The following ST3GAL4 variants were observed in gnomAD, a reference collection of about 807,000 sequenced individuals.
ST3GAL4 encodes the protein CMP-N-acetylneuraminate-beta-galactosamide-alpha-2,3-sialyltransferase 4.
In ST3GAL4, 24 loss-of-function variants were observed where a neutral mutation model predicts 42.6. The ratio of observed to expected loss-of-function variants is 0.56; its 90% CI spans 0.41 to 0.79. The LOEUF (loss-of-function observed/expected upper bound fraction) is 0.79, where lower values mean the gene tolerates loss of function less well. ST3GAL4 is among the 30% of genes least tolerant of loss of function. ST3GAL4 has a pLI of 0.00. For synonymous variants in ST3GAL4, 135 were observed against 163.2 expected, an observed-to-expected ratio of 0.83 and a Z score of 1.32; for missense variants, 311 against 430.8, an observed-to-expected ratio of 0.72 and a Z score of 2.46.
chr11:126,395,099 C>T (rs1297343929), intron 1 of ST3GAL4, among the ~76,000 whole-genome samples: 1 of 152,188 alleles, frequency 6.6e-6, no homozygotes, highest in African/African-American at 2.4e-5. Context: ...CAGCGTCCAG[C>T]CAGGGGCTGT....
In ST3GAL4 at chr11:126,396,770, A is replaced by G. The variant is rs11220471; in HGVS notation, c.-60-9326A>G. Among the ~76,000 whole-genome samples the G allele has an allele frequency of 0.29, 40,163 of 140,712 alleles. 6,833 individuals are homozygous for G. Among genetic ancestry groups the G allele is most frequent in the African/African-American group, 0.33 (12,845 of 38,540 alleles). The allele number at this position is 140,712 out of a possible 152,430, so 92.3% of individuals were successfully genotyped here. A position where few individuals can be genotyped will look rare whatever the true frequency, so the allele number is the denominator to read the frequency against. On this transcript the variant is annotated intron_variant, in intron 1 of 10. Transcript: ENST00000444328. This position sits in a 1 kb window ranked among gnomAD's most constrained non-coding sequence, Gnocchi z 5.8. Reference sequence around the variant, plus strand: ...GAGCCAGAATTCCAGTGCCAGCTCCACTCCTCACGAGCTGTACAACCTGGG... The same window carrying G: ...GAGCCAGAATTCCAGTGCCAGCTCCGCTCCTCACGAGCTGTACAACCTGGG...
chr11:126,406,886 A>G lies in ST3GAL4; in HGVS notation c.102-57A>G. 4 of 1,502,090 alleles carry G rather than the reference A, an allele frequency of 2.7e-6. No individual in the cohort carries two copies. The highest frequency in any genetic ancestry group is 3.7e-6 in the Non-Finnish European group (4 of 1,080,256). The allele number at this position is 1,502,090 out of a possible 1,614,324, so 93.0% of individuals were successfully genotyped here. On this transcript the variant is annotated intron_variant, in intron 3 of 10. Transcript: ENST00000444328. The surrounding 1 kb of genome is among the most constrained non-coding windows in gnomAD (Gnocchi z 5.4). ...GTGGGAGAAGGCTTAGGCTGCCTGG[A>G]ACATGGGTCCCTGGGTCTGACTGGG...
At chr11:126,356,129 C>T (rs1479639496) in intron 1 of ST3GAL4, 1 of 152,606 alleles carries the variant, frequency 6.6e-6, no homozygotes, top group Non-Finnish European at 1.5e-5. Context: ...AATCCCCCAG[C>T]CCTGCGCCCG....
In ST3GAL4 at chr11:126,406,310, G is replaced by T. The variant is rs1954227108; in HGVS notation, c.16+139G>T. ...CTTCTCTTCATCTTGAAGGACAGTG[G>T]GTACAATCAGGGTCAAGCCCTCAGC... On this transcript the variant is annotated intron_variant, in intron 2 of 10. Transcript: ENST00000444328. This position sits in a 1 kb window ranked among gnomAD's most constrained non-coding sequence, Gnocchi z 5.4. 1.9e-6 allele frequency: 3 copies of T among 1,540,186 alleles called. No homozygotes were observed.
chr11:126,365,572 C>G (rs1952394050), intron 1 of ST3GAL4, among the ~76,000 whole-genome samples: 1 of 152,224 alleles, frequency 6.6e-6, no homozygotes, highest in African/African-American at 2.4e-5. Flanking sequence ...GTTGTAGGCT[C>G]TGGAATCCTC....
Position 126,384,682 on chromosome 11 carries a change from G to C in ST3GAL4, c.-60-21414G>C, listed in dbSNP as rs572416416. On this transcript the variant is annotated intron_variant, in intron 1 of 10. Coordinates refer to ENST00000444328, the MANE Select transcript of ST3GAL4 (RefSeq NM_001254757.2). This position sits in a 1 kb window ranked among gnomAD's most constrained non-coding sequence, Gnocchi z 5.5. ...GACAGATGGAGAGCCACCTCCCTAG[G>C]GGCCTCCTCCCCCTCCCCTTCTGCA... 1.0e-6 allele frequency: 1 copy of C among 985,212 alleles called. No individual in the cohort carries two copies. Among genetic ancestry groups the C allele is most frequent in the East Asian group, 1.1e-4 (1 of 8,814 alleles). 61.0% of individuals were successfully genotyped at this position (985,212 alleles called of 1,614,324 possible).
In ST3GAL4 at chr11:126,383,890, G is replaced by C. The variant is rs1369595228; in HGVS notation, c.-60-22206G>C. ...TACTCTGAGGGGGTGGGCTTCCTGC[G>C]GGGGACAAACTGGAGAGGGACTCTC... On this transcript the variant is annotated intron_variant, in intron 1 of 10. Coordinates refer to ENST00000444328, the MANE Select transcript of ST3GAL4 (RefSeq NM_001254757.2). The surrounding 1 kb of genome is among the most constrained non-coding windows in gnomAD (Gnocchi z 4.5). 6.6e-6 allele frequency among the ~76,000 whole-genome samples: 1 copy of C among 152,130 alleles called. No individual in the cohort carries two copies. The highest frequency in any genetic ancestry group is 1.5e-5 in the Non-Finnish European group (1 of 68,012).
Position 126,392,994 on chromosome 11 carries a change from G to A in ST3GAL4, c.-60-13102G>A, listed in dbSNP as rs1294770176. ...TTTTTTTTTTGAGACAGGCTAGAGTGCAGGGGGACGATCATAGCTTACTGC... is the reference window on the plus strand; with the variant it reads ...TTTTTTTTTTGAGACAGGCTAGAGTACAGGGGGACGATCATAGCTTACTGC... On this transcript the variant is annotated intron_variant, in intron 1 of 10. Transcript: ENST00000444328. The surrounding 1 kb of genome is among the most constrained non-coding windows in gnomAD (Gnocchi z 5.8). Among the ~76,000 whole-genome samples, 1 of 147,870 alleles carries A rather than the reference G, an allele frequency of 6.8e-6. No homozygotes were observed. Among genetic ancestry groups the A allele is most frequent in the Non-Finnish European group, 1.5e-5 (1 of 67,394 alleles).
chr11:126,406,674 C>A lies in ST3GAL4; in HGVS notation c.101+117C>A. On this transcript the variant is annotated intron_variant, in intron 3 of 10. Transcript: ENST00000444328. The surrounding 1 kb of genome is among the most constrained non-coding windows in gnomAD (Gnocchi z 5.4). ...GAAGGTTCCAAGAGCCGGCACATGACCTCATCCCTTCAGCTGCTGGTACGG... is the reference window on the plus strand; with the variant it reads ...GAAGGTTCCAAGAGCCGGCACATGAACTCATCCCTTCAGCTGCTGGTACGG... The A allele has an allele frequency of 1.4e-6, 2 of 1,433,970 alleles. No homozygotes were observed. The highest frequency in any genetic ancestry group is 1.9e-6 in the Non-Finnish European group (2 of 1,048,078). 88.8% of individuals were successfully genotyped at this position (1,433,970 alleles called of 1,614,324 possible).
chr11:126,379,345 A>T lies in ST3GAL4; in HGVS notation c.-61+23503A>T, dbSNP rs2135435143. On this transcript the variant is annotated intron_variant, in intron 1 of 10. Transcript: ENST00000444328. The surrounding 1 kb of genome is among the most constrained non-coding windows in gnomAD (Gnocchi z 4.2). ...ACCTTTTGTGCTAAAACAAAACAAA[A>T]ACAAGTCTGAGTCAATAGAAGGGGG... is the stretch of plus-strand genomic sequence containing the variant. Among the ~76,000 whole-genome samples, 1 of 152,344 alleles carries T rather than the reference A, an allele frequency of 6.6e-6. No individual in the cohort carries two copies.
intron 6 of ST3GAL4, 136 bp from the exon 7 acceptor site, chr11:126,407,963 G>A: frequency 1.0e-6 from 1 of 990,214 alleles, no homozygotes; most frequent in Non-Finnish European, 1.5e-6. Flanking sequence ...CAGGACCACG[G>A]GGTGATGCCT....
At position 126,378,147 on chromosome 11, in the gene ST3GAL4, A is replaced by G. The variant is rs1405348634; in HGVS notation, c.-61+22305A>G. Reference sequence around the variant, plus strand: ...TTTTAGGTAGAAGATAGCCCACACCACAGATCCAGACTGGCTAGGTAGAAC... The same window carrying G: ...TTTTAGGTAGAAGATAGCCCACACCGCAGATCCAGACTGGCTAGGTAGAAC... On this transcript the variant is annotated intron_variant, in intron 1 of 10. Transcript: ENST00000444328. The surrounding 1 kb of genome is among the most constrained non-coding windows in gnomAD (Gnocchi z 5.3). 6.6e-6 allele frequency among the ~76,000 whole-genome samples: 1 copy of G among 152,176 alleles called. No homozygotes were observed. The highest frequency in any genetic ancestry group is 1.5e-5 in the Non-Finnish European group (1 of 68,032).
rs1952889847 is a variant in ST3GAL4 at position 126,378,259 on chromosome 11, TGG to T, written c.-61+22421_-61+22422del. On this transcript the variant is annotated intron_variant, in intron 1 of 10. Transcript: ENST00000444328. The surrounding 1 kb of genome is among the most constrained non-coding windows in gnomAD (Gnocchi z 5.3). The stretch of plus-strand genomic sequence containing the variant: ...AAAGTGCATCCTATTACCCACGAGT[TGG>T]GGGTGATACGAATGTCATGGTTATT... Among the ~76,000 whole-genome samples the T allele has an allele frequency of 6.6e-6, 1 of 152,300 alleles. No homozygotes were observed. The highest frequency in any genetic ancestry group is 6.5e-5 in the Admixed American group (1 of 15,298).
Position 126,384,715 on chromosome 11 carries a change from A to G in ST3GAL4, c.-60-21381A>G. 10 of 985,206 alleles carry G rather than the reference A, an allele frequency of 1.0e-5. No individual in the cohort carries two copies. The highest frequency in any genetic ancestry group is 1.2e-5 in the Non-Finnish European group (10 of 829,894). The allele number at this position is 985,206 out of a possible 1,614,324, so 61.0% of individuals were successfully genotyped here. A position where few individuals can be genotyped will look rare whatever the true frequency, so the allele number is the denominator to read the frequency against. ...TCCCCCTCCCCTTCTGCATGCCACC[A>G]CACCCCAGCAGCATCTCCTGAGGCT... On this transcript the variant is annotated intron_variant, in intron 1 of 10. Transcript: ENST00000444328. This position sits in a 1 kb window ranked among gnomAD's most constrained non-coding sequence, Gnocchi z 5.5.
intron 1 of ST3GAL4, among the ~76,000 whole-genome samples, chr11:126,357,343 C>T (rs938808314): frequency 6.6e-6 from 1 of 152,172 alleles, no homozygotes; most frequent in Admixed American, 6.5e-5. Flanking sequence ...AGATGGTAAC[C>T]GAGGTTGTGA....
rs1265715639 is a variant in ST3GAL4 at position 126,366,892 on chromosome 11, A to G, written c.-61+11050A>G. Among the ~76,000 whole-genome samples the G allele has an allele frequency of 1.3e-5, 2 of 152,324 alleles. No homozygotes were observed. Among genetic ancestry groups the G allele is most frequent in the African/African-American group, 4.8e-5 (2 of 41,570 alleles). ...CCGAGAGCCTGAATTCAGAGGCTGT[A>G]CTGTGGGGCAGGGCTGGAATTTGTG... On this transcript the variant is annotated intron_variant, in intron 1 of 10. Transcript: ENST00000444328. The surrounding 1 kb of genome is among the most constrained non-coding windows in gnomAD (Gnocchi z 4.2).
rs11220481 is a variant in ST3GAL4 at position 126,413,440 on chromosome 11, G to A, written c.772-65G>A. 1,271 of 1,588,478 alleles carry A rather than the reference G, an allele frequency of 8.0e-4. 16 individuals are homozygous for A. In the African/African-American group the frequency reaches 0.015, roughly 19 times the overall value. ...ACTGCAGGAAGTTCCACTGCAGAGC[G>A]CTGGCAGAGATGATGGTGGGAGGAG... On this transcript the variant is annotated intron_variant, in intron 9 of 10. Transcript: ENST00000444328.
chr11:126,382,958 C>T (rs569578370), intron 1 of ST3GAL4, among the ~76,000 whole-genome samples: 2 of 152,326 alleles, frequency 1.3e-5, no homozygotes, highest in East Asian at 3.9e-4. Context: ...ATTTGGGTGC[C>T]GGGTGGGCTG....
Position 126,400,569 on chromosome 11 carries a change from G to C in ST3GAL4, c.-60-5527G>C, listed in dbSNP as rs557019169. ...AGATGCGTTTGCAGTTCTCATGGCCGCAGACTGAAGGGGCCTGGTTACCTA... is the reference window on the plus strand; with the variant it reads ...AGATGCGTTTGCAGTTCTCATGGCCCCAGACTGAAGGGGCCTGGTTACCTA... On this transcript the variant is annotated intron_variant, in intron 1 of 10. Transcript: ENST00000444328. This position sits in a 1 kb window ranked among gnomAD's most constrained non-coding sequence, Gnocchi z 4.6. Among the ~76,000 whole-genome samples, 1 of 152,312 alleles carries C rather than the reference G, an allele frequency of 6.6e-6. No individual in the cohort carries two copies. The highest frequency in any genetic ancestry group is 6.5e-5 in the Admixed American group (1 of 15,286).
Sources: allele counts gnomAD v4.1 joint callset (sites outside exome capture counted in the v4.1 genomes callset), GRCh38; gene constraint gnomAD v4.1.1; non-coding constraint Gnocchi (gnomAD v3.1); transcripts MANE v1.5; gene names NCBI Gene and HGNC (gene_info 2026-07-23, HGNC 2026-07-21).